Variants in ARSB observed in about 807,000 individuals in gnomAD.
ARSB encodes N-acetylgalactosamine-4-sulfatase.
Under a neutral mutation model 50.9 loss-of-function variants are expected in ARSB, and 41 were observed. The observed-to-expected ratio is 0.81, with a 90% CI of 0.63 to 1.04. ARSB has a LOEUF of 1.04. ARSB is among the 50% of genes least tolerant of loss of function. ARSB has a pLI of 0.00. For missense variants in ARSB, 672 were observed against 693.3 expected, an observed-to-expected ratio of 0.97 and a Z score of 0.35; for synonymous variants, 269 against 284.8, an observed-to-expected ratio of 0.94 and a Z score of 0.56.
chr5:78,797,691 G>C (rs1419240028), intron 6 of ARSB, among the ~76,000 whole-genome samples: 2 of 152,100 alleles, frequency 1.3e-5, no homozygotes, highest in Non-Finnish European at 2.9e-5. Context: ...GTAAGGGTAG[G>C]AATCACAGAG....
chr5:78,985,309 A>C lies in ARSB; in HGVS notation c.-61T>G. ...ACCAGCCCCTTGTACCGCTGATAGA[A>C]TGAGGAACTGGGCTGCCGGGGCCTG... On this transcript the variant is annotated 5_prime_UTR_variant, in exon 1 of 8. Transcript: ENST00000264914. 8.1e-7 allele frequency: 1 copy of C among 1,228,814 alleles called. No homozygotes were observed. Among genetic ancestry groups the C allele is most frequent in the Non-Finnish European group, 1.0e-6 (1 of 983,576 alleles). The allele number at this position is 1,228,814 out of a possible 1,614,324, so 76.1% of individuals were successfully genotyped here.
intron 6 of ARSB, among the ~76,000 whole-genome samples, chr5:78,825,143 TA>T (rs1303798388): frequency 6.6e-6 from 1 of 152,160 alleles, no homozygotes; most frequent in East Asian, 1.9e-4. Flanking sequence ...CCAAGTTATC[TA>T]AAAGCAAGCA....
At chr5:78,815,939 T>C in intron 6 of ARSB, 1 of 1,534,848 alleles carries the variant, frequency 6.5e-7, no homozygotes, top group Non-Finnish European at 8.7e-7. Context: ...GAAGGCACTT[T>C]TCCTATGATG....
At chr5:78,870,882 T>C (rs1335977238) in intron 5 of ARSB, among the ~76,000 whole-genome samples, 1 of 152,204 alleles carries the variant, frequency 6.6e-6, no homozygotes, top group Non-Finnish European at 1.5e-5. Context: ...ATTGTCCCTG[T>C]TTGCAGATTA....
chr5:78,939,180 A>G (rs1750777126), intron 4 of ARSB, among the ~76,000 whole-genome samples: 1 of 152,188 alleles, frequency 6.6e-6, no homozygotes, highest in Admixed American at 6.5e-5. Flanking sequence ...GGCTTTCATT[A>G]GCACTGACAA....
intron 4 of ARSB, among the ~76,000 whole-genome samples, chr5:78,937,541 C>T (rs1287815310): frequency 6.7e-6 from 1 of 150,222 alleles, no homozygotes. Context: ...ATCATGACTA[C>T]TTCATGTTTC....
At chr5:78,976,278 CTTTTTT>C (rs541278624) in intron 1 of ARSB, among the ~76,000 whole-genome samples, 5 of 76,908 alleles carry the variant, frequency 6.5e-5, no homozygotes, top group East Asian at 8.2e-4. Flanking sequence ...AAACAGGCTA[CTTTTTT>C]TTTTTTTTTT....
At chr5:78,984,619 G>C (rs935062853) in intron 1 of ARSB, among the ~76,000 whole-genome samples, 6 of 152,112 alleles carry the variant, frequency 3.9e-5, no homozygotes, top group Non-Finnish European at 4.4e-5. Context: ...TCCGCCTGCC[G>C]GCCGCGGCGC....
chr5:78,788,925 C>A (rs1383427959), intron 6 of ARSB, among the ~76,000 whole-genome samples: 1 of 152,188 alleles, frequency 6.6e-6, no homozygotes, highest in East Asian at 1.9e-4. Flanking sequence ...AGCCACCACA[C>A]CTGGCCTACA....
At position 78,777,257 on chromosome 5, in the gene ARSB, A is replaced by G. The variant is rs1318572263; in HGVS notation, c.*3140T>C. The G allele has an allele frequency of 2.0e-5, 3 of 152,182 alleles. No individual in the cohort carries two copies. The highest frequency in any genetic ancestry group is 2.9e-5 in the Non-Finnish European group (2 of 68,038). 9.4% of individuals were successfully genotyped at this position (152,182 alleles called of 1,614,324 possible). Reference sequence around the variant, plus strand: ...CTATATTTATTTATTTAACAGCTTTACTGAGATATAATTTATGTACTATAA... The same window carrying G: ...CTATATTTATTTATTTAACAGCTTTGCTGAGATATAATTTATGTACTATAA... On this transcript the variant is annotated 3_prime_UTR_variant, in exon 8 of 8. Transcript: ENST00000264914.
intron 5 of ARSB, chr5:78,884,456 T>C (rs1351429153): frequency 6.6e-6 from 1 of 152,094 alleles, no homozygotes; most frequent in Non-Finnish European, 1.5e-5. Flanking sequence ...AATACTCCAT[T>C]GTGTATTTCC....
At chr5:78,830,227 G>A (rs1007377004) in intron 6 of ARSB, among the ~76,000 whole-genome samples, 3 of 152,158 alleles carry the variant, frequency 2.0e-5, no homozygotes, top group Non-Finnish European at 4.4e-5. Flanking sequence ...TGGCATCAAA[G>A]TAACCCTGGG....
At chr5:78,858,828 T>C (rs951630387) in intron 5 of ARSB, among the ~76,000 whole-genome samples, 6 of 152,216 alleles carry the variant, frequency 3.9e-5, no homozygotes, top group African/African-American at 1.4e-4. Flanking sequence ...TACCGAGTTC[T>C]TACAATGTTC....
chr5:78,848,299 T>C (rs1745558296), intron 5 of ARSB, among the ~76,000 whole-genome samples: 1 of 105,820 alleles, frequency 9.5e-6, no homozygotes, highest in Non-Finnish European at 1.9e-5. Context: ...TTCCCACCTA[T>C]GAGTGAGAAC....
chr5:78,805,582 C>T (rs1379615140), intron 6 of ARSB, among the ~76,000 whole-genome samples: 4 of 152,194 alleles, frequency 2.6e-5, no homozygotes, highest in Non-Finnish European at 5.9e-5. Flanking sequence ...GCAAGGCTCA[C>T]TCTTCTCAGC....
intron 4 of ARSB, among the ~76,000 whole-genome samples, chr5:78,932,917 G>A (rs941863294): frequency 5.9e-5 from 9 of 152,104 alleles, no homozygotes; most frequent in African/African-American, 2.2e-4. Context: ...GCTCCTCTGT[G>A]AAGTCTTCTC....
intron 6 of ARSB, among the ~76,000 whole-genome samples, chr5:78,828,206 T>C (rs12655291): frequency 0.15 from 22,518 of 151,520 alleles, 1,804 homozygotes; most frequent in Middle Eastern, 0.16. Flanking sequence ...GAATAATAGG[T>C]TTAGGGTGAT....
intron 1 of ARSB, among the ~76,000 whole-genome samples, chr5:78,970,730 G>C (rs906134576): frequency 6.6e-6 from 1 of 152,166 alleles, no homozygotes; most frequent in Non-Finnish European, 1.5e-5. Context: ...AAGGCAGGAG[G>C]CTAGCTTGAC....
In ARSB at chr5:78,978,154, C is replaced by A. The variant is rs1344575459; in HGVS notation, c.312+6783G>T. 6.6e-5 allele frequency among the ~76,000 whole-genome samples: 10 copies of A among 152,194 alleles called. No individual in the cohort carries two copies. In the East Asian group the frequency reaches 1.7e-3, roughly 26 times the overall value. ...AGGAGTTCAAGACCAGCCTGGCCAA[C>A]ATGGTGAAACCCCATCTCTATTAAA... On this transcript the variant is annotated intron_variant, in intron 1 of 7. Transcript: ENST00000264914.
Sources: allele counts gnomAD v4.1 joint callset (sites outside exome capture counted in the v4.1 genomes callset), GRCh38; gene constraint gnomAD v4.1.1; transcripts MANE v1.5; gene names NCBI Gene and HGNC (gene_info 2026-07-23, HGNC 2026-07-21).